MACROD2: variants seen among roughly 807,000 people sequenced by gnomAD.
MACROD2 encodes the protein ADP-ribose glycohydrolase MACROD2.
Under a neutral mutation model 70.4 loss-of-function variants are expected in MACROD2, and 36 were observed. The ratio of observed to expected loss-of-function variants is 0.51; its 90% CI spans 0.39 to 0.68. The LOEUF (loss-of-function observed/expected upper bound fraction) is 0.68, where lower values mean the gene tolerates loss of function less well. Among genes scored for constraint, MACROD2 ranks in the 30% least tolerant of loss-of-function variants. The pLI is 0.00. For missense variants in MACROD2, 496 were observed against 538.4 expected, an observed-to-expected ratio of 0.92 and a Z score of 0.78; for synonymous variants, 172 against 178.8, an observed-to-expected ratio of 0.96 and a Z score of 0.30.
chr20:15,930,499 G>A (rs912618661), intron 10 of MACROD2, among the ~76,000 whole-genome samples: 1 of 152,296 alleles, frequency 6.6e-6, no homozygotes, highest in African/African-American at 2.4e-5. Flanking sequence ...CTGGATTTGA[G>A]GATGCACTGT....
At chr20:15,634,250 T>C (rs1326637717) in intron 8 of MACROD2, among the ~76,000 whole-genome samples, 1 of 152,228 alleles carries the variant, frequency 6.6e-6, no homozygotes, top group Non-Finnish European at 1.5e-5. Flanking sequence ...TAATGTATTA[T>C]TGGAGTGGCT....
chr20:14,046,341 C>A (rs1171125993), intron 2 of MACROD2, among the ~76,000 whole-genome samples: 16 of 152,114 alleles, frequency 1.1e-4, no homozygotes, highest in Admixed American at 1.0e-3. Context: ...CAGAATCATT[C>A]AGAAACAAGG....
At position 14,326,076 on chromosome 20, in the gene MACROD2, T is replaced by C; in HGVS notation, c.272-167403T>C. 1.2e-6 allele frequency: 2 copies of C among 1,613,928 alleles called. No homozygotes were observed. The highest frequency in any genetic ancestry group is 4.5e-5 in the East Asian group (2 of 44,864). ...TGCTGGTTTCCATGGGAACCATGCATACTTTATAGGGTGAATCAGGCTCCA... is the reference window on the plus strand; with the variant it reads ...TGCTGGTTTCCATGGGAACCATGCACACTTTATAGGGTGAATCAGGCTCCA... On this transcript the variant is annotated intron_variant, in intron 3 of 17. Coordinates refer to ENST00000684519, the MANE Select transcript of MACROD2 (RefSeq NM_001351661.2). The surrounding 1 kb of genome is among the most constrained non-coding windows in gnomAD (Gnocchi z 5.5).
intron 5 of MACROD2, among the ~76,000 whole-genome samples, chr20:14,713,504 A>C (rs75232220): frequency 0.012 from 1,765 of 152,246 alleles, 36 homozygotes; most frequent in African/African-American, 0.04. Context: ...CACCTAATAT[A>C]TGTTACTCCA....
At chr20:14,203,623 T>C (rs1304807019) in intron 3 of MACROD2, among the ~76,000 whole-genome samples, 2 of 152,170 alleles carry the variant, frequency 1.3e-5, no homozygotes, top group African/African-American at 2.4e-5. Context: ...AGCACAGTAG[T>C]GTAGTCTTCA....
At chr20:15,714,760 T>TA (rs1381342435) in intron 8 of MACROD2, among the ~76,000 whole-genome samples, 2 of 152,206 alleles carry the variant, frequency 1.3e-5, no homozygotes, top group African/African-American at 4.8e-5. Context: ...ATGTGCCACA[T>TA]ACTTTACTAA....
At chr20:15,193,961 G>A (rs576162073) in intron 5 of MACROD2, among the ~76,000 whole-genome samples, 5 of 151,172 alleles carry the variant, frequency 3.3e-5, no homozygotes, top group Admixed American at 3.3e-4. Context: ...AAGAAATCAG[G>A]TAGGCCAGGT....
intron 5 of MACROD2, among the ~76,000 whole-genome samples, chr20:15,108,632 C>T (rs2075930339): frequency 6.6e-6 from 1 of 152,194 alleles, no homozygotes; most frequent in African/African-American, 2.4e-5. Flanking sequence ...GGTTCTACTA[C>T]ACCATCTTAT....
chr20:14,576,284 A>G (rs1278255895), intron 4 of MACROD2, among the ~76,000 whole-genome samples: 1 of 152,212 alleles, frequency 6.6e-6, no homozygotes, highest in Non-Finnish European at 1.5e-5. Context: ...GGCCAGTAGC[A>G]ACAGAGCTGC....
intron 4 of MACROD2, among the ~76,000 whole-genome samples, chr20:14,537,711 G>A (rs372365027): frequency 6.6e-6 from 1 of 152,152 alleles, no homozygotes; most frequent in African/African-American, 2.4e-5. Context: ...GTCTACTTCT[G>A]TTTTCTCCAG....
At chr20:14,006,792 T>C (rs1053531668) in intron 2 of MACROD2, among the ~76,000 whole-genome samples, 4 of 152,208 alleles carry the variant, frequency 2.6e-5, no homozygotes, top group Admixed American at 1.3e-4. Context: ...ATATTTTGAA[T>C]TTTGCTTACT....
chr20:14,134,428 GT>G (rs1390562869), intron 3 of MACROD2, among the ~76,000 whole-genome samples: 1 of 152,160 alleles, frequency 6.6e-6, no homozygotes, highest in Non-Finnish European at 1.5e-5. Flanking sequence ...AGAAGCATTG[GT>G]TTATCTTCAC....
intron 5 of MACROD2, among the ~76,000 whole-genome samples, chr20:15,086,160 G>T (rs530911203): frequency 1.3e-5 from 2 of 152,030 alleles, no homozygotes; most frequent in Non-Finnish European, 2.9e-5. Context: ...GTTAAGAGAT[G>T]AAGAATTAAA....
intron 5 of MACROD2, among the ~76,000 whole-genome samples, chr20:15,095,570 T>C (rs1442274415): frequency 2.0e-5 from 3 of 151,892 alleles, no homozygotes; most frequent in Non-Finnish European, 4.4e-5. Flanking sequence ...CAGGCTGGAG[T>C]GCAGTGGCAC....
chr20:14,940,900 T>C (rs2074384123), intron 5 of MACROD2, among the ~76,000 whole-genome samples: 1 of 151,984 alleles, frequency 6.6e-6, no homozygotes, highest in Non-Finnish European at 1.5e-5. Flanking sequence ...AAGTTAATGC[T>C]ATCCTTGTAG....
At chr20:15,997,203 T>C (rs2066644376) in intron 15 of MACROD2, among the ~76,000 whole-genome samples, 1 of 152,188 alleles carries the variant, frequency 6.6e-6, no homozygotes, top group South Asian at 2.1e-4. Flanking sequence ...TGTGTTTCCA[T>C]ATGAGTGTTA....
chr20:15,299,802 G>T (rs1301876396), intron 6 of MACROD2, among the ~76,000 whole-genome samples: 1 of 152,188 alleles, frequency 6.6e-6, no homozygotes, highest in Non-Finnish European at 1.5e-5. Context: ...TTTGACTGCT[G>T]GGTCCAGACA....
intron 5 of MACROD2, among the ~76,000 whole-genome samples, chr20:14,881,310 A>G (rs1198359587): frequency 6.7e-6 from 1 of 149,752 alleles, no homozygotes; most frequent in African/African-American, 2.5e-5. Flanking sequence ...CTGTGACTCA[A>G]AGTTCTACCA....
At chr20:14,212,693 C>T (rs1236621702) in intron 3 of MACROD2, among the ~76,000 whole-genome samples, 1 of 151,370 alleles carries the variant, frequency 6.6e-6, no homozygotes, top group Non-Finnish European at 1.5e-5. Flanking sequence ...TTCTGTAGTC[C>T]CTGTCTCTAA....
Sources: gnomAD v4.1 joint callset for allele counts (sites outside exome capture counted in the v4.1 genomes callset) on GRCh38, gnomAD v4.1.1 for gene constraint, Gnocchi (gnomAD v3.1) non-coding constraint, MANE v1.5 for transcripts, NCBI Gene and HGNC (gene_info 2026-07-23, HGNC 2026-07-21) for gene names.